Variants in FMN1 observed in about 807,000 individuals in gnomAD.
The protein encoded by FMN1 is formin 1.
FMN1 carries 110 observed loss-of-function variants against 132.4 expected under a neutral mutation model. That is an observed-to-expected ratio of 0.83 (90% CI 0.71 to 0.97). FMN1 has a LOEUF of 0.97. Among genes scored for constraint, FMN1 ranks in the 50% least tolerant of loss-of-function variants. The pLI, the probability that FMN1 is intolerant of heterozygous loss-of-function variation, is 0.00. For synonymous variants in FMN1, 722 were observed against 651.7 expected (o/e 1.11, Z -1.64); for missense variants, 1,792 against 1,705.3 (o/e 1.05, Z -0.90).
At chr15:33,176,505 CCAAAAAA>C (rs1422337608) in intron 3 of FMN1, among the ~76,000 whole-genome samples, 2 of 49,670 alleles carry the variant, frequency 4.0e-5, no homozygotes, top group East Asian at 1.1e-3. Flanking sequence ...GACCCTGTCT[CCAAAAAA>C]AAAAAAAAAA....
At chr15:33,009,892 TG>T (rs2034616610) in intron 6 of FMN1, among the ~76,000 whole-genome samples, 1 of 150,774 alleles carries the variant, frequency 6.6e-6, no homozygotes, top group Admixed American at 6.6e-5. Flanking sequence ...ATCTTTTTTT[TG>T]TTTGTTTTTT....
intron 4 of FMN1, among the ~76,000 whole-genome samples, chr15:33,126,536 ACT>A (rs1012022071): frequency 6.6e-6 from 1 of 151,870 alleles, no homozygotes; most frequent in African/African-American, 2.4e-5. Context: ...TCCAAAACTC[ACT>A]GAAAAACTCC....
chr15:32,967,294 CTGT>C (rs2031333176), intron 8 of FMN1, among the ~76,000 whole-genome samples: 1 of 152,192 alleles, frequency 6.6e-6, no homozygotes, highest in Admixed American at 6.5e-5. Flanking sequence ...CCACAGTTAC[CTGT>C]TGCTCATGAA....
At chr15:33,185,590 T>TTTTTTTTTTTTTTC (rs1965855944) in intron 2 of FMN1, among the ~76,000 whole-genome samples, 2 of 133,240 alleles carry the variant, frequency 1.5e-5, no homozygotes, top group Non-Finnish European at 3.2e-5. Context: ...TTTTTTTTTT[T>TTTTTTTTTTTTTTC]ACACAGAGTT....
chr15:32,903,939 G>T (rs1380785204), intron 12 of FMN1, among the ~76,000 whole-genome samples: 2 of 152,062 alleles, frequency 1.3e-5, no homozygotes, highest in African/African-American at 2.4e-5. Flanking sequence ...GTTGGAGGGG[G>T]GAGAAAAGAT....
At position 32,931,065 on chromosome 15, in the gene FMN1, T is replaced by C. The variant is rs535611810; in HGVS notation, c.3139-4804A>G. Among the ~76,000 whole-genome samples, 354 of 152,304 alleles carry C rather than the reference T, an allele frequency of 2.3e-3. 2 individuals are homozygous for C. The highest frequency in any genetic ancestry group is 4.1e-3 in the Non-Finnish European group (280 of 68,020). On this transcript the variant is annotated intron_variant, in intron 9 of 20. Coordinates refer to ENST00000616417, the MANE Select transcript of FMN1 (RefSeq NM_001277313.2). ...TATTGGCCTATAATGTCTGTCTTTA[T>C]GCCAGTACCATACTGTTTTGATTAC...
chr15:32,899,897 A>T, intron 14 of FMN1, 82 bp downstream of exon 14: 3 of 1,389,606 alleles, frequency 2.2e-6, no homozygotes, highest in Non-Finnish European at 9.9e-7. Context: ...AAATGGAACA[A>T]TCTGGAATAC....
intron 7 of FMN1, among the ~76,000 whole-genome samples, chr15:32,981,915 C>T (rs559784522): frequency 1.3e-5 from 2 of 152,040 alleles, no homozygotes; most frequent in Non-Finnish European, 2.9e-5. Flanking sequence ...GACCCTTTCA[C>T]AATTAAAATT....
At chr15:32,811,876 G>A (rs569812104) in intron 17 of FMN1, among the ~76,000 whole-genome samples, 11 of 152,090 alleles carry the variant, frequency 7.2e-5, no homozygotes, top group African/African-American at 2.7e-4. Context: ...TGAAACTCCT[G>A]ACCTCAAGTG....
At chr15:32,818,209 CATTTT>C (rs2058109840) in intron 17 of FMN1, among the ~76,000 whole-genome samples, 1 of 152,072 alleles carries the variant, frequency 6.6e-6, no homozygotes, top group African/African-American at 2.4e-5. Context: ...TTTTCCCTTG[CATTTT>C]ATTTAACATA....
At chr15:33,161,707 A>AG (rs1456268073) in intron 3 of FMN1, among the ~76,000 whole-genome samples, 1 of 152,128 alleles carries the variant, frequency 6.6e-6, no homozygotes, top group Non-Finnish European at 1.5e-5. Context: ...TCACAAGGTC[A>AG]GGAGATCGAG....
intron 7 of FMN1, among the ~76,000 whole-genome samples, chr15:32,983,148 A>G (rs1032973431): frequency 2.0e-5 from 3 of 152,162 alleles, no homozygotes; most frequent in Non-Finnish European, 2.9e-5. Flanking sequence ...AAAACTGCGG[A>G]AAGTGCACCA....
chr15:32,891,635 A>G (rs2060032515), intron 15 of FMN1, among the ~76,000 whole-genome samples: 1 of 152,210 alleles, frequency 6.6e-6, no homozygotes. Flanking sequence ...CATTTTCACA[A>G]TATTAATTCT....
At chr15:32,869,430 A>AAGGG (rs1483235384) in intron 16 of FMN1, among the ~76,000 whole-genome samples, 1 of 152,182 alleles carries the variant, frequency 6.6e-6, no homozygotes, top group East Asian at 1.9e-4. Flanking sequence ...TAATCAGAGT[A>AAGGG]AGGGAGGGAG....
intron 7 of FMN1, among the ~76,000 whole-genome samples, chr15:32,999,995 C>T (rs2034000390): frequency 6.6e-6 from 1 of 152,148 alleles, no homozygotes. Flanking sequence ...GAGCTGCATC[C>T]CTTCACAGAG....
chr15:32,968,712 ACCT>A lies in FMN1; in HGVS notation c.2986_2987+1del. On this transcript the variant is annotated splice_donor_variant and coding_sequence_variant, in exon 8 of 21. Coordinates refer to ENST00000616417, the MANE Select transcript of FMN1 (RefSeq NM_001277313.2). LOFTEE classifies it high-confidence loss of function. ...CTGAGAATGGGATAGGGGAGAACTT[ACCT>A]CCTATCACTTATTTGTATCCTAGTC... is the stretch of plus-strand genomic sequence containing the variant. The A allele has an allele frequency of 6.2e-7, 1 of 1,613,080 alleles. No individual in the cohort carries two copies. The highest frequency in any genetic ancestry group is 1.1e-5 in the South Asian group (1 of 91,014).
At chr15:33,065,120 G>C (rs745839304) in intron 5 of FMN1, 46 bp from the exon 6 acceptor site, 1 of 1,282,706 alleles carries the variant, frequency 7.8e-7, no homozygotes, top group Admixed American at 2.3e-5. Context: ...AGTCAGAGCC[G>C]ATTAATTCCT....
intron 4 of FMN1, among the ~76,000 whole-genome samples, chr15:33,089,847 AAGGAT>A (rs2038842179): frequency 6.6e-6 from 1 of 152,218 alleles, no homozygotes; most frequent in Admixed American, 6.5e-5. Context: ...TCTATAACAA[AAGGAT>A]TTTACGGTCA....
intron 17 of FMN1, among the ~76,000 whole-genome samples, chr15:32,813,830 T>C (rs72717667): frequency 0.35 from 53,965 of 152,098 alleles, 10,805 homozygotes; most frequent in East Asian, 0.69. Context: ...TCCAGGCCTT[T>C]TGACTAATAA....
Sources: allele counts gnomAD v4.1 joint callset (sites outside exome capture counted in the v4.1 genomes callset), GRCh38; gene constraint gnomAD v4.1.1; transcripts MANE v1.5; gene names NCBI Gene and HGNC (gene_info 2026-07-23, HGNC 2026-07-21).